The following SYNPO2 variants were observed in gnomAD, a reference collection of about 807,000 sequenced individuals.
The protein encoded by SYNPO2 is synaptopodin-2.
A neutral mutation model predicts 85.0 loss-of-function variants in SYNPO2; 56 were observed. The ratio of observed to expected loss-of-function variants is 0.66; its 90% CI spans 0.53 to 0.82. The LOEUF (loss-of-function observed/expected upper bound fraction) is 0.82, where lower values mean the gene tolerates loss of function less well. Ranked by LOEUF, SYNPO2 falls within the 40% of genes least tolerant of loss-of-function variation. SYNPO2 has a pLI of 0.00. For missense variants in SYNPO2, 1,575 were observed against 1,534.2 expected (o/e 1.03, Z -0.44); for synonymous variants, 602 against 591.1 (o/e 1.02, Z -0.27).
At chr4:118,941,414 C>T (rs1356087637) in intron 1 of SYNPO2, among the ~76,000 whole-genome samples, 1 of 152,192 alleles carries the variant, frequency 6.6e-6, no homozygotes, top group Non-Finnish European at 1.5e-5. Context: ...CCAGAAGGAT[C>T]TTCCTAATAA....
chr4:118,852,573 G>A (rs1731439619), intron 1 of SYNPO2, among the ~76,000 whole-genome samples: 1 of 152,106 alleles, frequency 6.6e-6, no homozygotes, highest in Non-Finnish European at 1.5e-5. Flanking sequence ...CTTTTGCAGG[G>A]ACATGGATGA....
chr4:119,028,360 C>A (rs1385225205), intron 3 of SYNPO2, among the ~76,000 whole-genome samples: 2 of 151,808 alleles, frequency 1.3e-5, no homozygotes, highest in South Asian at 4.2e-4. Flanking sequence ...GTCTTCTAAC[C>A]TATTGTTATT....
intron 1 of SYNPO2, among the ~76,000 whole-genome samples, chr4:118,989,591 C>T (rs1195914383): frequency 6.6e-6 from 1 of 152,158 alleles, no homozygotes; most frequent in African/African-American, 2.4e-5. Flanking sequence ...GTGACTTCAG[C>T]TGCAAGTAAA....
chr4:118,943,382 C>A (rs753557643), intron 1 of SYNPO2, among the ~76,000 whole-genome samples: 1 of 152,150 alleles, frequency 6.6e-6, no homozygotes, highest in Non-Finnish European at 1.5e-5. Context: ...AATGACAATG[C>A]TGAAGTCAGG....
At chr4:118,953,256 A>G (rs1045793799) in intron 1 of SYNPO2, among the ~76,000 whole-genome samples, 37 of 152,300 alleles carry the variant, frequency 2.4e-4, no homozygotes, top group African/African-American at 8.7e-4. Context: ...GTTTTCCTGC[A>G]TTGATTCTAA....
At chr4:118,893,843 A>T (rs1261032133) in intron 1 of SYNPO2, among the ~76,000 whole-genome samples, 1 of 149,804 alleles carries the variant, frequency 6.7e-6, no homozygotes, top group African/African-American at 2.5e-5. Flanking sequence ...AAATAGCTAA[A>T]AAAAAAAGGA....
At chr4:118,971,295 C>A (rs1266228854) in intron 1 of SYNPO2, among the ~76,000 whole-genome samples, 1 of 152,142 alleles carries the variant, frequency 6.6e-6, no homozygotes, top group Non-Finnish European at 1.5e-5. Flanking sequence ...CTCTTAAGAA[C>A]AAGGAGCCAG....
At chr4:118,874,272 C>T (rs1731858504) in intron 1 of SYNPO2, among the ~76,000 whole-genome samples, 1 of 152,094 alleles carries the variant, frequency 6.6e-6, no homozygotes, top group South Asian at 2.1e-4. Flanking sequence ...GCAAAGCAGA[C>T]ATTTTAATTC....
In SYNPO2 at chr4:119,031,683, T is replaced by G; in HGVS notation, c.2908T>G (p.Tyr970Asp). The G allele has an allele frequency of 2.5e-6, 4 of 1,614,158 alleles. No homozygotes were observed. Among genetic ancestry groups the G allele is most frequent in the Non-Finnish European group, 3.4e-6 (4 of 1,180,024 alleles). ...NALDVMKHQPYQLNASLFTFQ... is the reference protein window; with the variant it reads ...NALDVMKHQPDQLNASLFTFQ... ...ATTAGATGTCATGAAGCACCAACCG[T>G]ATCAGCTCAATGCATCCTTGTTTAC... Residue 970 changes from tyrosine (Y) to aspartate (D), a missense_variant, in exon 4 of 5, where the codon TAT becomes GAT. Tyr to Asp is a radical substitution (Grantham distance 160). This residue lies in a region of SYNPO2 where 1,508 missense variants were observed against 1,446.8 expected (regional missense o/e 1.04). Transcript: ENST00000307142.
At chr4:118,955,771 A>T (rs188333424) in intron 1 of SYNPO2, among the ~76,000 whole-genome samples, 2 of 152,204 alleles carry the variant, frequency 1.3e-5, no homozygotes, top group African/African-American at 2.4e-5. Flanking sequence ...ACTTCATTTC[A>T]TAGACAAAGC....
chr4:119,004,186 C>T (rs931660622), intron 1 of SYNPO2, among the ~76,000 whole-genome samples: 18 of 152,084 alleles, frequency 1.2e-4, no homozygotes, highest in African/African-American at 3.9e-4. Context: ...GTTCACTATT[C>T]CCAAGTCTGT....
intron 1 of SYNPO2, among the ~76,000 whole-genome samples, chr4:119,012,865 G>A (rs1028682906): frequency 6.6e-6 from 1 of 152,032 alleles, no homozygotes; most frequent in Non-Finnish European, 1.5e-5. Context: ...TTAAAAGGCA[G>A]CATTTTCTGG....
chr4:118,938,337 T>C (rs2149136215), intron 1 of SYNPO2, among the ~76,000 whole-genome samples: 1 of 152,208 alleles, frequency 6.6e-6, no homozygotes, highest in South Asian at 2.1e-4. Context: ...AGAAAACATA[T>C]GTATATTTAT....
intron 1 of SYNPO2, among the ~76,000 whole-genome samples, chr4:119,003,994 C>T (rs77950804): frequency 2.6e-5 from 4 of 152,062 alleles, no homozygotes; most frequent in Admixed American, 6.5e-5. Flanking sequence ...GGTAAATAAA[C>T]GATATTTACA....
intron 1 of SYNPO2, among the ~76,000 whole-genome samples, chr4:118,862,880 G>A (rs1463323487): frequency 3.3e-5 from 5 of 151,304 alleles, no homozygotes; most frequent in Non-Finnish European, 5.9e-5. Context: ...GCATGATCTC[G>A]GCTTACTGCA....
chr4:118,857,363 G>A (rs777142128), intron 1 of SYNPO2, among the ~76,000 whole-genome samples: 3 of 152,122 alleles, frequency 2.0e-5, no homozygotes, highest in Non-Finnish European at 4.4e-5. Context: ...TTCGTAAAAT[G>A]ATGACCATAT....
At chr4:119,037,537 C>T in intron 4 of SYNPO2, 1 of 994,116 alleles carries the variant, frequency 1.0e-6, no homozygotes, top group Non-Finnish European at 1.2e-6. Context: ...TAATCAAGGC[C>T]ATGCAACAAC....
chr4:119,013,672 A>C (rs1439605127), intron 1 of SYNPO2, among the ~76,000 whole-genome samples: 2 of 152,216 alleles, frequency 1.3e-5, no homozygotes, highest in Admixed American at 6.5e-5. Flanking sequence ...CCAATACTTA[A>C]AGACTTCTCT....
chr4:118,895,784 A>G (rs965899955), intron 1 of SYNPO2, among the ~76,000 whole-genome samples: 2 of 152,208 alleles, frequency 1.3e-5, no homozygotes, highest in Non-Finnish European at 2.9e-5. Context: ...CATTATACCT[A>G]ACTGGATATT....
Sources: allele counts gnomAD v4.1 joint callset (sites outside exome capture counted in the v4.1 genomes callset), GRCh38; gene constraint gnomAD v4.1.1; regional missense constraint gnomAD v4.1.1; transcripts MANE v1.5; gene names NCBI Gene and HGNC (gene_info 2026-07-23, HGNC 2026-07-21).